GALNTL6: variants seen among roughly 807,000 people sequenced by gnomAD.
The protein encoded by GALNTL6 is polypeptide N-acetylgalactosaminyltransferase like 6, also known as polypeptide N-acetylgalactosaminyltransferase-like 6.
In GALNTL6, 46 loss-of-function variants were observed where a neutral mutation model predicts 73.7. That is an observed-to-expected ratio of 0.62 (90% CI 0.49 to 0.80). The LOEUF is 0.80. Ranked by LOEUF, GALNTL6 falls within the 30% of genes least tolerant of loss-of-function variation. The pLI, the probability that GALNTL6 is intolerant of heterozygous loss-of-function variation, is 0.00. For synonymous variants in GALNTL6, 259 were observed against 263.7 expected, an observed-to-expected ratio of 0.98 and a Z score of 0.17; for missense variants, 604 against 755.0, an observed-to-expected ratio of 0.80 and a Z score of 2.34.
intron 2 of GALNTL6, among the ~76,000 whole-genome samples, chr4:172,156,563 A>AC (rs1218708626): frequency 9.0e-6 from 1 of 110,904 alleles, no homozygotes; most frequent in African/African-American, 3.5e-5. Flanking sequence ...ATATATATAT[A>AC]TATACATACT....
intron 2 of GALNTL6, among the ~76,000 whole-genome samples, chr4:171,927,017 C>A (rs536017121): frequency 1.5e-3 from 234 of 151,458 alleles, no homozygotes; most frequent in Non-Finnish European, 2.6e-3. Flanking sequence ...TTTATTTTAA[C>A]CTATACGTAA....
chr4:172,498,038 T>C (rs1734128726), intron 5 of GALNTL6, among the ~76,000 whole-genome samples: 1 of 137,238 alleles, frequency 7.3e-6, no homozygotes, highest in Non-Finnish European at 1.5e-5. Flanking sequence ...GTCGCCAGGC[T>C]GGAGTGCAGT....
At chr4:172,567,353 C>T (rs1385836276) in intron 5 of GALNTL6, among the ~76,000 whole-genome samples, 1 of 152,008 alleles carries the variant, frequency 6.6e-6, no homozygotes, top group Non-Finnish European at 1.5e-5. Flanking sequence ...CTATGTCCTG[C>T]TTGTGCCCTG....
intron 4 of GALNTL6, among the ~76,000 whole-genome samples, chr4:172,327,423 A>G (rs1740980425): frequency 6.6e-6 from 1 of 152,136 alleles, no homozygotes; most frequent in African/African-American, 2.4e-5. Context: ...CATTTAATCC[A>G]GTGTTGAGTT....
chr4:172,771,559 G>T lies in GALNTL6; in HGVS notation c.554-37802G>T, dbSNP rs76937331. 1.9e-3 allele frequency among the ~76,000 whole-genome samples: 287 copies of T among 152,258 alleles called. 2 individuals are homozygous for T. Among genetic ancestry groups the T allele is most frequent in the African/African-American group, 6.7e-3 (278 of 41,532 alleles). On this transcript the variant is annotated intron_variant, in intron 5 of 12. Transcript: ENST00000506823. ...CTTGTATGGAAGACTTTGATTTCCT[G>T]TGTGATGTTTGTAAATTGCTGTTTG...
At chr4:172,081,965 C>T (rs1731894403) in intron 2 of GALNTL6, among the ~76,000 whole-genome samples, 1 of 151,804 alleles carries the variant, frequency 6.6e-6, no homozygotes, top group African/African-American at 2.4e-5. Context: ...CAATCTCTGC[C>T]TCCCAGGCTC....
rs563104697 is a variant in GALNTL6, at chr4:172,766,117, T to A, written c.554-43244T>A. ...TTAAAGAGTCGGGCAAATGGAATGG[T>A]TTCTCTTCCAATTCCTCTGTTGCCT... On this transcript the variant is annotated intron_variant, in intron 5 of 12. Coordinates refer to ENST00000506823, the MANE Select transcript of GALNTL6 (RefSeq NM_001034845.3). Among the ~76,000 whole-genome samples, 6 of 152,156 alleles carry A rather than the reference T, an allele frequency of 3.9e-5. No homozygotes were observed. The South Asian group carries it at 1.2e-3, about 32-fold the overall frequency.
chr4:172,579,426 TA>T (rs1443836639), intron 5 of GALNTL6, among the ~76,000 whole-genome samples: 3 of 152,152 alleles, frequency 2.0e-5, no homozygotes, highest in African/African-American at 7.2e-5. Flanking sequence ...TGGCAGATAG[TA>T]AAGTAAGCCT....
chr4:172,618,258 C>T (rs1256039487), intron 5 of GALNTL6, among the ~76,000 whole-genome samples: 2 of 152,120 alleles, frequency 1.3e-5, no homozygotes, highest in Admixed American at 6.5e-5. Context: ...TGAAAGCAAT[C>T]TCCTTCATTA....
intron 8 of GALNTL6, among the ~76,000 whole-genome samples, chr4:172,895,507 A>ATGT (rs1746280099): frequency 6.6e-6 from 1 of 151,490 alleles, no homozygotes; most frequent in Non-Finnish European, 1.5e-5. Context: ...ACTCCCTTAA[A>ATGT]TGTTATTTGC....
At chr4:172,716,489 A>G (rs1735102827) in intron 5 of GALNTL6, among the ~76,000 whole-genome samples, 1 of 39,946 alleles carries the variant, frequency 2.5e-5, no homozygotes. Context: ...ACTGACGCCC[A>G]GAGTACAACT....
At chr4:172,264,097 A>G (rs184484312) in intron 3 of GALNTL6, among the ~76,000 whole-genome samples, 1 of 151,748 alleles carries the variant, frequency 6.6e-6, no homozygotes. Flanking sequence ...GGAAATATAA[A>G]CAGGAATCCA....
At position 172,443,239 on chromosome 4, in the gene GALNTL6, C is replaced by T. The variant is rs201060588; in HGVS notation, c.553+94550C>T. On this transcript the variant is annotated intron_variant, in intron 5 of 12. Coordinates refer to ENST00000506823, the MANE Select transcript of GALNTL6 (RefSeq NM_001034845.3). ...GGAGTGCAGTGGCACGATTTCAGCTCACTGCAACTTCCACCTCCTGGTTTC... is the reference window on the plus strand; with the variant it reads ...GGAGTGCAGTGGCACGATTTCAGCTTACTGCAACTTCCACCTCCTGGTTTC... 2.7e-5 allele frequency among the ~76,000 whole-genome samples: 4 copies of T among 145,506 alleles called. No homozygotes were observed. In the East Asian group the frequency reaches 8.2e-4, roughly 30 times the overall value.
intron 2 of GALNTL6, among the ~76,000 whole-genome samples, chr4:171,902,589 T>C (rs1426995471): frequency 6.6e-6 from 1 of 152,114 alleles, no homozygotes; most frequent in African/African-American, 2.4e-5. Context: ...AAACTGGCAA[T>C]AGCCAGTACA....
intron 2 of GALNTL6, among the ~76,000 whole-genome samples, chr4:171,832,601 A>C (rs963814129): frequency 3.3e-5 from 5 of 151,654 alleles, no homozygotes; most frequent in African/African-American, 1.2e-4. Context: ...TAGAGTAAAA[A>C]ATAAGAATAT....
chr4:172,570,294 G>A (rs2110947290), intron 5 of GALNTL6, among the ~76,000 whole-genome samples: 1 of 152,282 alleles, frequency 6.6e-6, no homozygotes, highest in Non-Finnish European at 1.5e-5. Context: ...TGGAGGATGG[G>A]AGAAGGCTGG....
intron 5 of GALNTL6, chr4:172,380,386 A>C (rs1296010550): frequency 2.3e-5 from 15 of 662,816 alleles, no homozygotes; most frequent in African/African-American, 3.6e-5. Context: ...CCACATGAAA[A>C]TAATGGATGT....
At chr4:172,999,286 C>T (rs750400182) in intron 10 of GALNTL6, among the ~76,000 whole-genome samples, 5 of 152,152 alleles carry the variant, frequency 3.3e-5, no homozygotes, top group African/African-American at 4.8e-5. Flanking sequence ...TGCTCTCTTC[C>T]ACCCCACCCC....
intron 5 of GALNTL6, among the ~76,000 whole-genome samples, chr4:172,726,643 G>T (rs1485630554): frequency 6.6e-6 from 1 of 152,190 alleles, no homozygotes. Context: ...AAAGTACAGT[G>T]ATGAAGAATA....
Sources: allele counts gnomAD v4.1 joint callset (sites outside exome capture counted in the v4.1 genomes callset), GRCh38; gene constraint gnomAD v4.1.1; transcripts MANE v1.5; gene names NCBI Gene and HGNC (gene_info 2026-07-23, HGNC 2026-07-21).